The following PGR variants were observed in gnomAD, a reference collection of about 807,000 sequenced individuals.
PGR encodes progesterone receptor.
A neutral mutation model predicts 76.1 loss-of-function variants in PGR; 25 were observed. The ratio of observed to expected loss-of-function variants is 0.33; its 90% confidence interval spans 0.24 to 0.46. The LOEUF is 0.46. Ranked by LOEUF, PGR falls within the 20% of genes least tolerant of loss-of-function variation. The pLI, the probability that PGR is intolerant of heterozygous loss-of-function variation, is 1.00. For missense variants in PGR, 1,172 were observed against 1,225.3 expected, an observed-to-expected ratio of 0.96 and a Z score of 0.65; for synonymous variants, 579 against 535.0, an observed-to-expected ratio of 1.08 and a Z score of -1.14.
chr11:101,041,294 T>C (rs138859069), intron 7 of PGR, among the ~76,000 whole-genome samples: 12 of 152,226 alleles, frequency 7.9e-5, no homozygotes, highest in African/African-American at 2.9e-4. Flanking sequence ...GCCTTCACTG[T>C]CATTTTAATG....
intron 5 of PGR, chr11:101,051,047 A>T (rs1042182103): frequency 5.4e-6 from 1 of 185,236 alleles, no homozygotes; most frequent in Non-Finnish European, 1.1e-5. Context: ...TCAATTTTTT[A>T]AATAAATTAG....
chr11:101,077,711 C>T (rs1449819180), intron 3 of PGR, among the ~76,000 whole-genome samples: 3 of 152,082 alleles, frequency 2.0e-5, no homozygotes, highest in Admixed American at 2.0e-4. Context: ...CCCCAGCTAG[C>T]ATGTGTGAGA....
At chr11:101,097,627 T>G (rs1474437960) in intron 2 of PGR, among the ~76,000 whole-genome samples, 1 of 152,174 alleles carries the variant, frequency 6.6e-6, no homozygotes, top group African/African-American at 2.4e-5. Context: ...CTTATTGTCA[T>G]ATATAGTAAA....
intron 2 of PGR, among the ~76,000 whole-genome samples, chr11:101,098,495 A>G (rs1861904682): frequency 6.6e-6 from 1 of 152,236 alleles, no homozygotes; most frequent in African/African-American, 2.4e-5. Flanking sequence ...GAGCTGGTCC[A>G]TATGAGGGCA....
At chr11:101,073,931 A>T (rs1861032641) in intron 3 of PGR, among the ~76,000 whole-genome samples, 1 of 152,170 alleles carries the variant, frequency 6.6e-6, no homozygotes, top group Non-Finnish European at 1.5e-5. Flanking sequence ...ATTCTTTCTA[A>T]AACTATTCCA....
At chr11:101,113,573 A>G (rs1862411932) in intron 2 of PGR, among the ~76,000 whole-genome samples, 1 of 152,048 alleles carries the variant, frequency 6.6e-6, no homozygotes, top group African/African-American at 2.4e-5. Context: ...CCCGGCCTAT[A>G]TATCTTCTAA....
chr11:101,047,619 C>T (rs939179673), intron 6 of PGR, among the ~76,000 whole-genome samples: 1 of 152,042 alleles, frequency 6.6e-6, no homozygotes, highest in African/African-American at 2.4e-5. Context: ...AGATTTGGGA[C>T]CTTAGAAAGA....
At chr11:101,065,216 C>A (rs1860671413) in intron 3 of PGR, among the ~76,000 whole-genome samples, 7 of 152,096 alleles carry the variant, frequency 4.6e-5, no homozygotes. Context: ...AGATCTGAAG[C>A]TTTATAAACT....
intron 3 of PGR, among the ~76,000 whole-genome samples, chr11:101,090,549 C>G (rs1369756607): frequency 1.3e-5 from 2 of 152,120 alleles, no homozygotes; most frequent in Admixed American, 1.3e-4. Flanking sequence ...TTAGGAGGTT[C>G]CTTAAGACTT....
Position 101,128,435 on chromosome 11 carries a change from C to G in PGR, c.636G>C (p.Pro212=). 1.9e-6 allele frequency: 3 copies of G among 1,610,636 alleles called. No homozygotes were observed. The South Asian group carries it at 3.3e-5, about 18-fold the overall frequency. Residue 212 remains proline (P), a synonymous_variant, in exon 1 of 8, where the codon CCG becomes CCC. Transcript: ENST00000325455. ...SPHWSGAPVK[P]SPQAAAVEVE... is the part of the protein sequence containing the mutation. ...CCTCCACCGCAGCGGCCTGCGGAGA[C>G]GGCTTCACTGGGGCCCCGGACCAGT... is the stretch of plus-strand genomic sequence containing the variant.
At chr11:101,052,137 T>C (rs928320843) in intron 4 of PGR, among the ~76,000 whole-genome samples, 2 of 152,154 alleles carry the variant, frequency 1.3e-5, no homozygotes, top group African/African-American at 4.8e-5. Flanking sequence ...CTTTCAGTTG[T>C]GTTATATCTA....
rs1463156674 is a variant in PGR at position 101,034,898 on chromosome 11, G to A, written c.*4218C>T. 1.1e-5 allele frequency: 2 copies of A among 183,126 alleles called. No homozygotes were observed. Among genetic ancestry groups the A allele is most frequent in the Non-Finnish European group, 2.3e-5 (2 of 86,232 alleles). 11.3% of individuals were successfully genotyped at this position (183,126 alleles called of 1,614,324 possible). A position where few individuals can be genotyped will look rare whatever the true frequency, so the allele number is the denominator to read the frequency against. ...ACATTAAATAGTCCACAGATGCTAGGGAGAAACAGAGATTGTTGTTTTCAC... is the reference window on the plus strand; with the variant it reads ...ACATTAAATAGTCCACAGATGCTAGAGAGAAACAGAGATTGTTGTTTTCAC... On this transcript the variant is annotated 3_prime_UTR_variant, in exon 8 of 8. Coordinates refer to ENST00000325455, the MANE Select transcript of PGR (RefSeq NM_000926.4).
intron 4 of PGR, among the ~76,000 whole-genome samples, chr11:101,056,192 G>A (rs543936): frequency 0.71 from 107,773 of 151,608 alleles, 39,180 homozygotes; most frequent in East Asian, 1. Context: ...ACCTTCACAT[G>A]GAGAAGTGAT....
intron 3 of PGR, among the ~76,000 whole-genome samples, chr11:101,071,703 T>A (rs1860942303): frequency 6.6e-6 from 1 of 151,464 alleles, no homozygotes; most frequent in South Asian, 2.1e-4. Context: ...GCAGCCAAAT[T>A]TATCAAGCAG....
chr11:101,041,798 A>G, intron 7 of PGR, 147 bp downstream of exon 7: 1 of 672,858 alleles, frequency 1.5e-6, no homozygotes, highest in Non-Finnish European at 2.5e-6. Flanking sequence ...ACACAATAAA[A>G]AGTCTGAGCA....
chr11:101,062,304 T>C, intron 4 of PGR, 143 bp downstream of exon 4: 1 of 672,000 alleles, frequency 1.5e-6, no homozygotes, highest in East Asian at 2.7e-5. Context: ...AGACAAATAT[T>C]TTGAACTGCT....
chr11:101,048,424 T>A (rs1393174404), intron 6 of PGR, among the ~76,000 whole-genome samples: 2 of 152,142 alleles, frequency 1.3e-5, no homozygotes, highest in African/African-American at 4.8e-5. Context: ...ACTGTGTGAT[T>A]ATCACAGAGT....
chr11:101,031,163 C>A lies in PGR; in HGVS notation c.*7953G>T, dbSNP rs901795423. Reference sequence around the variant, plus strand: ...CTGGGCCTATGAGGAATGTGCTAAGCCAGCAAGAAATGGAAGTTAGCAAAG... The same window carrying A: ...CTGGGCCTATGAGGAATGTGCTAAGACAGCAAGAAATGGAAGTTAGCAAAG... On this transcript the variant is annotated 3_prime_UTR_variant, in exon 8 of 8. Coordinates refer to ENST00000325455, the MANE Select transcript of PGR (RefSeq NM_000926.4). 2 of 212,290 alleles carry A rather than the reference C, an allele frequency of 9.4e-6. No individual in the cohort carries two copies. The highest frequency in any genetic ancestry group is 1.9e-5 in the Non-Finnish European group (2 of 104,718). The allele number at this position is 212,290 out of a possible 1,614,324, so 13.2% of individuals were successfully genotyped here.
chr11:101,093,524 A>G (rs988959473), intron 2 of PGR, among the ~76,000 whole-genome samples: 2 of 152,134 alleles, frequency 1.3e-5, no homozygotes, highest in African/African-American at 4.8e-5. Context: ...GCAAAGGCAC[A>G]GTCTCGGCTC....
Sources: allele counts gnomAD v4.1 joint callset (sites outside exome capture counted in the v4.1 genomes callset), GRCh38; gene constraint gnomAD v4.1.1; transcripts MANE v1.5; gene names NCBI Gene and HGNC (gene_info 2026-07-23, HGNC 2026-07-21).